DLG2: variants seen among roughly 807,000 people sequenced by gnomAD.
DLG2 encodes disks large homolog 2.
DLG2 carries 45 observed loss-of-function variants against 132.5 expected under a neutral mutation model. That is an observed-to-expected ratio of 0.34 (90% CI 0.27 to 0.44). DLG2 has a LOEUF of 0.44. Among genes scored for constraint, DLG2 ranks in the 20% least tolerant of loss-of-function variants. The probability of loss-of-function intolerance (pLI) is 1.00; values close to 1 mark genes in which losing one functional copy is unlikely to be tolerated. For synonymous variants in DLG2, 424 were observed against 419.6 expected, an observed-to-expected ratio of 1.01 and a Z score of -0.13; for missense variants, 1,045 against 1,196.9, an observed-to-expected ratio of 0.87 and a Z score of 1.87.
At chr11:85,109,752 T>C (rs781213485) in intron 6 of DLG2, among the ~76,000 whole-genome samples, 41 of 152,084 alleles carry the variant, frequency 2.7e-4, no homozygotes, top group Non-Finnish European at 5.6e-4. Flanking sequence ...GCAATTGGCA[T>C]AGTACTAGAC....
intron 4 of DLG2, among the ~76,000 whole-genome samples, chr11:85,263,062 G>A (rs922464317): frequency 6.6e-6 from 1 of 152,104 alleles, no homozygotes; most frequent in African/African-American, 2.4e-5. Context: ...CATCCCCCCA[G>A]GAAAAGGGGG....
At chr11:85,306,594 G>A (rs1386306164) in intron 3 of DLG2, among the ~76,000 whole-genome samples, 1 of 151,826 alleles carries the variant, frequency 6.6e-6, no homozygotes, top group African/African-American at 2.4e-5. Context: ...TTTTTGAGAC[G>A]GAGTCTTGCT....
At chr11:84,237,180 G>A (rs568352562) in intron 8 of DLG2, among the ~76,000 whole-genome samples, 5 of 151,992 alleles carry the variant, frequency 3.3e-5, no homozygotes, top group South Asian at 4.2e-4. Context: ...CGCCTGCCTC[G>A]GCCTCCCAAA....
intron 7 of DLG2, among the ~76,000 whole-genome samples, chr11:84,282,397 A>G (rs970806037): frequency 6.6e-6 from 1 of 152,182 alleles, no homozygotes; most frequent in Non-Finnish European, 1.5e-5. Flanking sequence ...GAGGGATTAC[A>G]AAAGTCTGGA....
intron 22 of DLG2, among the ~76,000 whole-genome samples, chr11:83,481,498 T>TAACA (rs1192964176): frequency 3.3e-5 from 5 of 152,118 alleles, no homozygotes; most frequent in Admixed American, 2.0e-4. Flanking sequence ...AATTATTCTC[T>TAACA]AACAATAAAA....
chr11:83,922,318 C>A (rs753858961), intron 15 of DLG2, among the ~76,000 whole-genome samples: 9 of 152,048 alleles, frequency 5.9e-5, no homozygotes, highest in Non-Finnish European at 1.3e-4. Flanking sequence ...GCAAGAGTGG[C>A]CTCTGTCACT....
At chr11:85,182,968 T>C (rs1461993613) in intron 4 of DLG2, among the ~76,000 whole-genome samples, 2 of 151,292 alleles carry the variant, frequency 1.3e-5, no homozygotes, top group African/African-American at 2.4e-5. Context: ...CTCCGGCTTA[T>C]TACTCAAGAG....
chr11:85,146,227 C>CCTCTCTCTCTCTCTCTCTCT (rs35640163), intron 5 of DLG2, among the ~76,000 whole-genome samples: 54 of 129,196 alleles, frequency 4.2e-4, no homozygotes, highest in African/African-American at 1.3e-3. Flanking sequence ...TCTGTTTCTC[C>CCTCTCTCTCTCTCTCTCTCT]CTCTCTCTCT....
chr11:83,731,765 G>T (rs1011903862), intron 18 of DLG2, among the ~76,000 whole-genome samples: 2 of 152,160 alleles, frequency 1.3e-5, no homozygotes, highest in African/African-American at 4.8e-5. Context: ...CAGTGTAAAA[G>T]CATTCCTATT....
At chr11:84,619,072 A>G (rs984683407) in intron 6 of DLG2, among the ~76,000 whole-genome samples, 1 of 152,012 alleles carries the variant, frequency 6.6e-6, no homozygotes, top group Non-Finnish European at 1.5e-5. Flanking sequence ...CTTGCATCCA[A>G]TAATTACAGA....
chr11:84,990,117 C>A (rs527390811), intron 6 of DLG2, among the ~76,000 whole-genome samples: 1 of 152,272 alleles, frequency 6.6e-6, no homozygotes, highest in Admixed American at 6.5e-5. Context: ...GGACTTGTAT[C>A]CACGATATGT....
At chr11:85,176,167 G>A (rs1056801910) in intron 4 of DLG2, among the ~76,000 whole-genome samples, 4 of 152,154 alleles carry the variant, frequency 2.6e-5, no homozygotes, top group Admixed American at 2.0e-4. Flanking sequence ...ACAATCCTAC[G>A]CAAAAAGAAC....
intron 7 of DLG2, among the ~76,000 whole-genome samples, chr11:84,442,057 C>T (rs1266200485): frequency 6.6e-6 from 1 of 152,176 alleles, no homozygotes; most frequent in African/African-American, 2.4e-5. Flanking sequence ...AATGTGATGC[C>T]TCCAGCTTTG....
At chr11:84,302,359 CAAGAAA>C (rs1412888824) in intron 7 of DLG2, among the ~76,000 whole-genome samples, 11 of 152,042 alleles carry the variant, frequency 7.2e-5, no homozygotes, top group Non-Finnish European at 1.5e-5. Flanking sequence ...ATGATGTCAA[CAAGAAA>C]AATATTTTTC....
chr11:84,965,633 A>T (rs1024474612), intron 6 of DLG2, among the ~76,000 whole-genome samples: 2 of 152,062 alleles, frequency 1.3e-5, no homozygotes, highest in African/African-American at 4.8e-5. Context: ...CCTTAAAAGG[A>T]AATGGGCCTA....
chr11:83,921,646 T>A (rs1011506523), intron 15 of DLG2, among the ~76,000 whole-genome samples: 6 of 152,132 alleles, frequency 3.9e-5, no homozygotes, highest in Non-Finnish European at 7.4e-5. Context: ...CATGGTGATT[T>A]TTGCATAGAA....
chr11:84,488,764 C>T (rs1158484368), intron 7 of DLG2, among the ~76,000 whole-genome samples: 1 of 152,058 alleles, frequency 6.6e-6, no homozygotes, highest in Non-Finnish European at 1.5e-5. Context: ...AAGATGACTG[C>T]AGATTTTCAA....
At chr11:84,936,824 A>C (rs2105636) in intron 6 of DLG2, 108,170 of 152,088 alleles carry the variant, frequency 0.71, 39,486 homozygotes, top group East Asian at 0.95. Flanking sequence ...TAAGATATAA[A>C]CCTTACCTTT....
At chr11:84,559,972 C>T (rs1005922224) in intron 6 of DLG2, among the ~76,000 whole-genome samples, 2 of 152,042 alleles carry the variant, frequency 1.3e-5, no homozygotes, top group African/African-American at 4.8e-5. Context: ...CTACTCTGTG[C>T]CAGATATTCC....
Sources: allele counts gnomAD v4.1 joint callset (sites outside exome capture counted in the v4.1 genomes callset), GRCh38; gene constraint gnomAD v4.1.1; transcripts MANE v1.5; gene names NCBI Gene and HGNC (gene_info 2026-07-23, HGNC 2026-07-21).